CERS6: variants seen among roughly 807,000 people sequenced by gnomAD.
CERS6 encodes LAG1 homolog, ceramide synthase 6.
A neutral mutation model predicts 56.8 loss-of-function variants in CERS6; 26 were observed. The ratio of observed to expected loss-of-function variants is 0.46; its 90% CI spans 0.34 to 0.63. CERS6 has a LOEUF of 0.63. Among genes scored for constraint, CERS6 ranks in the 30% least tolerant of loss-of-function variants. The pLI, the probability that CERS6 is intolerant of heterozygous loss-of-function variation, is 0.01. For missense variants in CERS6, 415 were observed against 467.5 expected (o/e 0.89, Z 1.04); for synonymous variants, 164 against 173.3 (o/e 0.95, Z 0.42).
chr2:168,733,225 T>G (rs186001546), intron 8 of CERS6, among the ~76,000 whole-genome samples: 1 of 152,318 alleles, frequency 6.6e-6, no homozygotes, highest in East Asian at 1.9e-4. Flanking sequence ...ACAGTTTCAT[T>G]GAAACTGTAT....
At chr2:168,554,246 T>A (rs1695636060) in intron 2 of CERS6, among the ~76,000 whole-genome samples, 1 of 151,966 alleles carries the variant, frequency 6.6e-6, no homozygotes, top group Admixed American at 6.5e-5. Context: ...TATAATCATA[T>A]TAATACACAT....
chr2:168,561,341 T>G lies in CERS6; in HGVS notation c.407+19T>G. ...AGAGCATGTAAGTTGCTGTTTTTCT[T>G]TTTGAAAGAAAAGACCTAAGTACTC... On this transcript the variant is annotated intron_variant, in intron 3 of 9. Coordinates refer to ENST00000305747, the MANE Select transcript of CERS6 (RefSeq NM_203463.3). 6.2e-7 allele frequency: 1 copy of G among 1,613,870 alleles called. No homozygotes were observed. The highest frequency in any genetic ancestry group is 8.5e-7 in the Non-Finnish European group (1 of 1,179,848).
At chr2:168,624,045 C>T (rs1198258771) in intron 3 of CERS6, among the ~76,000 whole-genome samples, 1 of 152,164 alleles carries the variant, frequency 6.6e-6, no homozygotes, top group Non-Finnish European at 1.5e-5. Flanking sequence ...TTAGATGCCT[C>T]TGATTTATGT....
At chr2:168,527,326 G>T (rs977801862) in intron 1 of CERS6, among the ~76,000 whole-genome samples, 2 of 152,170 alleles carry the variant, frequency 1.3e-5, no homozygotes, top group Non-Finnish European at 2.9e-5. Context: ...ATTAACATCT[G>T]CCAGCAGAGA....
chr2:168,473,614 G>A (rs191949190), intron 1 of CERS6, among the ~76,000 whole-genome samples: 48 of 152,070 alleles, frequency 3.2e-4, no homozygotes, highest in African/African-American at 1.1e-3. Flanking sequence ...TAACATTAAT[G>A]CTACAAAATT....
Position 168,597,948 on chromosome 2 carries a change from G to A in CERS6, c.408-33037G>A, listed in dbSNP as rs73969276. On this transcript the variant is annotated intron_variant, in intron 3 of 9. Transcript: ENST00000305747. ...GTTATTTCTGTAAATGTTAACTCAG[G>A]CCTTAGCACTCTTTGCCTCTCTTTC... Among the ~76,000 whole-genome samples the A allele has an allele frequency of 6.8e-3, 1,034 of 152,194 alleles. 13 individuals carry two copies. Among genetic ancestry groups the A allele is most frequent in the African/African-American group, 0.024 (981 of 41,514 alleles).
chr2:168,468,356 G>C (rs1463094470), intron 1 of CERS6, among the ~76,000 whole-genome samples: 1 of 152,126 alleles, frequency 6.6e-6, no homozygotes, highest in Non-Finnish European at 1.5e-5. Context: ...AAATTGATTG[G>C]GTATTTGACC....
intron 6 of CERS6, among the ~76,000 whole-genome samples, chr2:168,695,640 C>G (rs1287752228): frequency 6.6e-6 from 1 of 152,160 alleles, no homozygotes. Flanking sequence ...TTTTCTGTGA[C>G]ACCATATTTG....
rs371124627 is a variant in CERS6, at chr2:168,657,560, A to G, written c.465+26518A>G. On this transcript the variant is annotated intron_variant, in intron 4 of 9. Transcript: ENST00000305747. ...TGGGTGGGAGGCTCAGGCATGGCAGACTGCAGGTCCCGAGCCCTGCCCCGT... is the reference window on the plus strand; with the variant it reads ...TGGGTGGGAGGCTCAGGCATGGCAGGCTGCAGGTCCCGAGCCCTGCCCCGT... Among the ~76,000 whole-genome samples the G allele has an allele frequency of 1.2e-3, 182 of 152,354 alleles. 1 individual carries two copies. Among genetic ancestry groups the G allele is most frequent in the South Asian group, 5.0e-3 (24 of 4,830 alleles).
At chr2:168,477,815 GA>G (rs1160208805) in intron 1 of CERS6, among the ~76,000 whole-genome samples, 1 of 152,202 alleles carries the variant, frequency 6.6e-6, no homozygotes, top group Non-Finnish European at 1.5e-5. Flanking sequence ...TTGACTGTGT[GA>G]AAAATGGTAT....
rs370716486 is a variant in CERS6, at chr2:168,765,585, T to A, written c.846-7T>A. The A allele has an allele frequency of 1.9e-6, 3 of 1,611,022 alleles. No homozygotes were observed. The highest frequency in any genetic ancestry group is 2.7e-5 in the African/African-American group (2 of 74,842). The stretch of plus-strand genomic sequence containing the variant: ...ACATTCACTAATCACCTCCTTCTTT[T>A]CCTTAGGGTGTTAAATACCACATTA... On this transcript the variant is annotated splice_polypyrimidine_tract_variant and splice_region_variant and intron_variant, in intron 8 of 9. Transcript: ENST00000305747.
At chr2:168,687,199 C>T (rs944325273) in intron 4 of CERS6, among the ~76,000 whole-genome samples, 2 of 152,240 alleles carry the variant, frequency 1.3e-5, no homozygotes, top group African/African-American at 4.8e-5. Context: ...AGAAGCTTAT[C>T]TTTAGCTATT....
At chr2:168,645,528 T>TA (rs1016039127) in intron 4 of CERS6, among the ~76,000 whole-genome samples, 3 of 152,124 alleles carry the variant, frequency 2.0e-5, no homozygotes, top group Admixed American at 6.5e-5. Context: ...TAATTTTATT[T>TA]AAAAAAATCT....
chr2:168,471,508 T>C (rs1037925349), intron 1 of CERS6, among the ~76,000 whole-genome samples: 1 of 152,040 alleles, frequency 6.6e-6, no homozygotes, highest in African/African-American at 2.4e-5. Flanking sequence ...GTTTTTCTGA[T>C]TTCTAAAAAG....
chr2:168,650,743 A>G (rs1685323089), intron 4 of CERS6, among the ~76,000 whole-genome samples: 1 of 151,960 alleles, frequency 6.6e-6, no homozygotes, highest in Admixed American at 6.6e-5. Flanking sequence ...TGGTGCATTC[A>G]TATACCCCTT....
chr2:168,651,020 G>A lies in CERS6; in HGVS notation c.465+19978G>A, dbSNP rs888015837. ...AGGAGATTGGGTGGTGAGAGAAAGG[G>A]AAGTCAGGAGAGAAAGTTTCTAGTT... On this transcript the variant is annotated intron_variant, in intron 4 of 9. Coordinates refer to ENST00000305747, the MANE Select transcript of CERS6 (RefSeq NM_203463.3). 2.0e-5 allele frequency among the ~76,000 whole-genome samples: 3 copies of A among 152,144 alleles called. No individual in the cohort carries two copies. In the East Asian group the frequency reaches 5.8e-4, roughly 29 times the overall value.
intron 1 of CERS6, among the ~76,000 whole-genome samples, chr2:168,537,568 T>C (rs1297378203): frequency 6.6e-6 from 1 of 152,240 alleles, no homozygotes; most frequent in Non-Finnish European, 1.5e-5. Flanking sequence ...TTATAGATTT[T>C]CATGTTTTGC....
At chr2:168,761,076 G>A (rs1684568600) in intron 8 of CERS6, among the ~76,000 whole-genome samples, 1 of 152,118 alleles carries the variant, frequency 6.6e-6, no homozygotes, top group Non-Finnish European at 1.5e-5. Flanking sequence ...GTTTATTAGA[G>A]TCCAGGTGTC....
chr2:168,767,397 C>G (rs764313852), intron 9 of CERS6, among the ~76,000 whole-genome samples: 52 of 152,164 alleles, frequency 3.4e-4, no homozygotes, highest in Non-Finnish European at 6.5e-4. Flanking sequence ...AAATTAATCA[C>G]TTTGTAAAAC....
Sources: gnomAD v4.1 joint callset for allele counts (sites outside exome capture counted in the v4.1 genomes callset) on GRCh38, gnomAD v4.1.1 for gene constraint, MANE v1.5 for transcripts, NCBI Gene and HGNC (gene_info 2026-07-23, HGNC 2026-07-21) for gene names.